Variants in ASB6 observed in about 807,000 individuals in gnomAD.
The protein encoded by ASB6 is ankyrin repeat and SOCS box containing 6, also known as ankyrin repeat and SOCS box protein 6.
Under a neutral mutation model 28.6 loss-of-function variants are expected in ASB6, and 24 were observed. That is an observed-to-expected ratio of 0.84 (90% confidence interval 0.61 to 1.18). The LOEUF is 1.18. Ranked by LOEUF, ASB6 falls within the 50% of genes most tolerant of loss-of-function variation. The pLI, the probability that ASB6 is intolerant of heterozygous loss-of-function variation, is 0.00. For missense variants in ASB6, 519 were observed against 559.8 expected (o/e 0.93, Z 0.74); for synonymous variants, 267 against 243.4 (o/e 1.10, Z -0.90).
Position 129,642,058 on chromosome 9 carries a change from A to C in ASB6, c.-59T>G. ...TTTCTGCCGAGGCCGAGATGCCCAG[A>C]CGCCGACCGGAACGCTCCGGCGGCC... On this transcript the variant is annotated 5_prime_UTR_variant, in exon 1 of 6. Coordinates refer to ENST00000277458, the MANE Select transcript of ASB6 (RefSeq NM_017873.4). This position sits in a 1 kb window ranked among gnomAD's most constrained non-coding sequence, Gnocchi z 4.3. 6.6e-7 allele frequency: 1 copy of C among 1,508,868 alleles called. No individual in the cohort carries two copies. The highest frequency in any genetic ancestry group is 1.4e-5 in the African/African-American group (1 of 69,214). The allele number at this position is 1,508,868 out of a possible 1,614,324, so 93.5% of individuals were successfully genotyped here.
rs779185577 is a variant in ASB6, at chr9:129,635,506, G to T, written c.*2284C>A. On this transcript the variant is annotated 3_prime_UTR_variant, in exon 6 of 6. Transcript: ENST00000277458. ...GAAACTGAGGAACCACAGTCCTGGTGGGGGGAGCTGGCAGCTGGGCAAGAT... is the reference window on the plus strand; with the variant it reads ...GAAACTGAGGAACCACAGTCCTGGTTGGGGGAGCTGGCAGCTGGGCAAGAT... 8.9e-6 allele frequency: 14 copies of T among 1,575,500 alleles called. No homozygotes were observed. The highest frequency in any genetic ancestry group is 1.1e-5 in the Non-Finnish European group (13 of 1,159,234).
Position 129,637,859 on chromosome 9 carries a change from C to T in ASB6, c.1197G>A (p.Leu399=). 1.3e-6 allele frequency: 2 copies of T among 1,535,206 alleles called. No homozygotes were observed. The highest frequency in any genetic ancestry group is 1.4e-5 in the African/African-American group (1 of 72,464). ...PWPVDVKVKA[L]PLPDRLKWYL... is the part of the protein sequence containing the mutation. Reference sequence around the variant, plus strand: ...ACCACTTCAGCCTGTCGGGCAGAGGCAGGGCTTTGACCTTCACATCCACAG... The same window carrying T: ...ACCACTTCAGCCTGTCGGGCAGAGGTAGGGCTTTGACCTTCACATCCACAG... Residue 399 remains leucine (L), a synonymous_variant, in exon 6 of 6, where the codon CTG becomes CTA. Coordinates refer to ENST00000277458, the MANE Select transcript of ASB6 (RefSeq NM_017873.4).
chr9:129,641,392 G>T (rs973540406), intron 1 of ASB6: 8 of 153,940 alleles, frequency 5.2e-5, no homozygotes, highest in Admixed American at 3.3e-4. Context: ...AAGAAGGCGG[G>T]GGTTTTGCTG....
chr9:129,635,159 G>A lies in ASB6; in HGVS notation c.*2631C>T, dbSNP rs201042414. On this transcript the variant is annotated 3_prime_UTR_variant, in exon 6 of 6. Coordinates refer to ENST00000277458, the MANE Select transcript of ASB6 (RefSeq NM_017873.4). ...TGAGAAGTACATCCCATCCAGTGCC[G>A]ACATCCGCTTGCATGGTGCCCTGGT... is the stretch of plus-strand genomic sequence containing the variant. 5.2e-5 allele frequency: 82 copies of A among 1,575,426 alleles called. No individual in the cohort carries two copies. Among genetic ancestry groups the A allele is most frequent in the East Asian group, 2.0e-4 (9 of 44,512 alleles).
Position 129,637,546 on chromosome 9 carries a change from T to C in ASB6, c.*244A>G. On this transcript the variant is annotated 3_prime_UTR_variant, in exon 6 of 6. Transcript: ENST00000277458. Reference sequence around the variant, plus strand: ...ACATCAATCCAAGCCCTGTTCCTCTTTCCAACATGGGGGGGACTTGGAGTG... The same window carrying C: ...ACATCAATCCAAGCCCTGTTCCTCTCTCCAACATGGGGGGGACTTGGAGTG... The C allele has an allele frequency of 2.6e-6, 1 of 384,560 alleles. No individual in the cohort carries two copies. The highest frequency in any genetic ancestry group is 4.6e-6 in the Non-Finnish European group (1 of 216,082). 23.8% of individuals were successfully genotyped at this position (384,560 alleles called of 1,614,324 possible).
rs1043962032 is a variant in ASB6, at chr9:129,642,127, G to A, written c.-128C>T. 1 of 1,337,538 alleles carries A rather than the reference G, an allele frequency of 7.5e-7. No homozygotes were observed. The highest frequency in any genetic ancestry group is 9.6e-7 in the Non-Finnish European group (1 of 1,045,408). The allele number at this position is 1,337,538 out of a possible 1,614,324, so 82.9% of individuals were successfully genotyped here. On this transcript the variant is annotated 5_prime_UTR_variant, in exon 1 of 6. Coordinates refer to ENST00000277458, the MANE Select transcript of ASB6 (RefSeq NM_017873.4). The surrounding 1 kb of genome is among the most constrained non-coding windows in gnomAD (Gnocchi z 4.3). Reference sequence around the variant, plus strand: ...GCCAGTCCAGCCCCTGCGCCCGGCCGGGTCCGCTCCTCAGTCCAAGCCGCG... The same window carrying A: ...GCCAGTCCAGCCCCTGCGCCCGGCCAGGTCCGCTCCTCAGTCCAAGCCGCG...
At position 129,639,444 on chromosome 9, in the gene ASB6, C is replaced by T; in HGVS notation, c.360G>A (p.Glu120=). 1 of 1,613,842 alleles carries T rather than the reference C, an allele frequency of 6.2e-7. No homozygotes were observed. The highest frequency in any genetic ancestry group is 8.5e-7 in the Non-Finnish European group (1 of 1,179,802). The change falls in exon 3 of 6, where the codon GAG becomes GAA. Residue 120 remains glutamate, a synonymous_variant. Coordinates refer to ENST00000277458, the MANE Select transcript of ASB6 (RefSeq NM_017873.4). ...CGTCGGCCCCGTGATGCACCAGCAG[C>T]TCCACCATGTCCGGCTGGTTCCGCA... ...AVLRNQPDMV[E]LLVHHGADVN... is the part of the protein sequence containing the mutation.
rs1453087417 is a variant in ASB6 at position 129,638,619 on chromosome 9, C to T, written c.552G>A (p.Gly184=). ...ALLHALASSD[G]VQIHNTENIR... ...TGTTCTCAGTATTGTGGATCTGCAC[C>T]CCGTCGCTGCTGGCCAGAGCATGGA... is the stretch of plus-strand genomic sequence containing the variant. Residue 184 remains glycine, a synonymous_variant, in exon 5 of 6, where the codon GGG becomes GGA. Transcript: ENST00000277458. 1 of 1,613,864 alleles carries T rather than the reference C, an allele frequency of 6.2e-7. No individual in the cohort carries two copies. The highest frequency in any genetic ancestry group is 2.2e-5 in the East Asian group (1 of 44,878).
rs751938198 is a variant in ASB6 at position 129,639,171 on chromosome 9, G to A, written c.511+31C>T. 6.4e-6 allele frequency: 10 copies of A among 1,572,900 alleles called. No individual in the cohort carries two copies. The African/African-American group carries it at 1.1e-4, about 17-fold the overall frequency. On this transcript the variant is annotated intron_variant, in intron 4 of 5. Transcript: ENST00000277458. The stretch of plus-strand genomic sequence containing the variant: ...CCCCCACAAGGTGCCTGGGGGCCCA[G>A]CTGTCCTGCTTTCCTGCAGGAGGCA...
At position 129,634,997 on chromosome 9, in the gene ASB6, T is replaced by G. The variant is rs774098314; in HGVS notation, c.*2793A>C. ...CGTCAAGTCAAATTCTGGCTTAATG[T>G]GTCTTTAGGTAGATGACCTCTGAGC... On this transcript the variant is annotated 3_prime_UTR_variant, in exon 6 of 6. Coordinates refer to ENST00000277458, the MANE Select transcript of ASB6 (RefSeq NM_017873.4). 14 of 592,858 alleles carry G rather than the reference T, an allele frequency of 2.4e-5. No homozygotes were observed. The highest frequency in any genetic ancestry group is 1.3e-4 in the African/African-American group (7 of 53,698). The allele number at this position is 592,858 out of a possible 1,614,324, so 36.7% of individuals were successfully genotyped here. A position where few individuals can be genotyped will look rare whatever the true frequency, so the allele number is the denominator to read the frequency against.
Position 129,636,491 on chromosome 9 carries a change from G to GT in ASB6, c.*1298dup, listed in dbSNP as rs1831556976. The GT allele has an allele frequency of 6.6e-6, 1 of 151,840 alleles. No individual in the cohort carries two copies. Among genetic ancestry groups the GT allele is most frequent in the African/African-American group, 2.4e-5 (1 of 41,212 alleles). 9.4% of individuals were successfully genotyped at this position (151,840 alleles called of 1,614,324 possible). Reference sequence around the variant, plus strand: ...GCAGGCGAATCACCTGAGGTCAGGAGTTTGAGACCAGCCTGACCAACATGG... The same window carrying GT: ...GCAGGCGAATCACCTGAGGTCAGGAGTTTTGAGACCAGCCTGACCAACATGG... On this transcript the variant is annotated 3_prime_UTR_variant, in exon 6 of 6. Transcript: ENST00000277458.
chr9:129,639,656 T>C, intron 2 of ASB6, 148 bp from the exon 3 acceptor site: 1 of 695,308 alleles, frequency 1.4e-6, no homozygotes, highest in Non-Finnish European at 2.4e-6. Flanking sequence ...AGGACAGAGC[T>C]GTCCTCACCA....
chr9:129,639,568 G>A lies in ASB6; in HGVS notation c.296-60C>T, dbSNP rs550305685. 5.7e-5 allele frequency: 84 copies of A among 1,462,664 alleles called. No homozygotes were observed. The East Asian group carries it at 1.1e-3, about 18-fold the overall frequency. 90.6% of individuals were successfully genotyped at this position (1,462,664 alleles called of 1,614,324 possible). On this transcript the variant is annotated intron_variant, in intron 2 of 5. Transcript: ENST00000277458. Reference sequence around the variant, plus strand: ...CTGTCCGCATTCTTATGGGGCCCCCGGACCCAGAGCCCAGCCCCAAACTCC... The same window carrying A: ...CTGTCCGCATTCTTATGGGGCCCCCAGACCCAGAGCCCAGCCCCAAACTCC...
chr9:129,635,361 T>G lies in ASB6; in HGVS notation c.*2429A>C, dbSNP rs762271965. Reference sequence around the variant, plus strand: ...AGCGTGTGCCGGGACCTTGACGTGGTCCGCAGGATCATCTGCAGTGCAGGC... The same window carrying G: ...AGCGTGTGCCGGGACCTTGACGTGGGCCGCAGGATCATCTGCAGTGCAGGC... On this transcript the variant is annotated 3_prime_UTR_variant, in exon 6 of 6. Transcript: ENST00000277458. 6.2e-7 allele frequency: 1 copy of G among 1,613,666 alleles called. No homozygotes were observed. Among genetic ancestry groups the G allele is most frequent in the Non-Finnish European group, 8.5e-7 (1 of 1,180,016 alleles).
chr9:129,637,990 C>T lies in ASB6; in HGVS notation c.1066G>A (p.Glu356Lys), dbSNP rs1346599311. 1 of 1,609,422 alleles carries T rather than the reference C, an allele frequency of 6.2e-7. No homozygotes were observed. Among genetic ancestry groups the T allele is most frequent in the South Asian group, 1.1e-5 (1 of 90,292 alleles). ...FDIHPVGSLA[E>K]KIQALHFSLR... ...GAGAAGTGGAGGGCCTGGATCTTTT[C>T]CGCCAGGCTGCCCACAGGGTGGATA... The change falls in exon 6 of 6, where the codon GAA becomes AAA. Residue 356 changes from glutamate to lysine, a missense_variant. Physicochemically the swap from Glu to Lys is moderately conservative, Grantham distance 56 (BLOSUM62 1). Transcript: ENST00000277458.
chr9:129,640,964 G>T (rs1831683359), intron 1 of ASB6: 1 of 484,030 alleles, frequency 2.1e-6, no homozygotes, highest in Non-Finnish European at 3.6e-6. Flanking sequence ...CTCCCGCGTT[G>T]CCCAGAGTCC....
rs760577422 is a variant in ASB6 at position 129,637,880 on chromosome 9, C to T, written c.1176G>A (p.Val392=). 1.9e-6 allele frequency: 3 copies of T among 1,557,714 alleles called. No homozygotes were observed. Among genetic ancestry groups the T allele is most frequent in the African/African-American group, 1.4e-5 (1 of 73,152 alleles). The change falls in exon 6 of 6, where the codon GTG becomes GTA. Residue 392 remains valine (V), a synonymous_variant. Coordinates refer to ENST00000277458, the MANE Select transcript of ASB6 (RefSeq NM_017873.4). ...GAGGCAGGGCTTTGACCTTCACATC[C>T]ACAGGCCACGGCTGAAGGTAGAGCC... ...AIRLYLQPWP[V]DVKVKALPLP... is the part of the protein sequence containing the mutation.
chr9:129,637,932 AGG>A lies in ASB6; in HGVS notation c.1122_1123del (p.Leu375GlnfsTer36). On this transcript the variant is annotated frameshift_variant, in exon 6 of 6. Coordinates refer to ENST00000277458, the MANE Select transcript of ASB6 (RefSeq NM_017873.4). LOFTEE classifies it high-confidence loss of function. The stretch of plus-strand genomic sequence containing the variant: ...GATGGCCACACGGCACAGGTGCTTG[AGG>A]GGCGGGGGATAGCTCTCCAGCTGCC... The A allele has an allele frequency of 6.3e-7, 1 of 1,592,318 alleles. No homozygotes were observed.
At chr9:129,639,161 T>C (rs1831631610) in intron 4 of ASB6, 41 bp downstream of exon 4, 1 of 1,557,540 alleles carries the variant, frequency 6.4e-7, no homozygotes. Flanking sequence ...ACAAGGTGCC[T>C]GGGGGCCCAG....
Sources: gnomAD v4.1 joint callset for allele counts on GRCh38, gnomAD v4.1.1 for gene constraint, Gnocchi (gnomAD v3.1) non-coding constraint, MANE v1.5 for transcripts, NCBI Gene and HGNC (gene_info 2026-07-23, HGNC 2026-07-21) for gene names.